The following PTGFR variants were observed in gnomAD, a reference collection of about 807,000 sequenced individuals.
PTGFR encodes prostaglandin F2-alpha receptor.
PTGFR carries 15 observed loss-of-function variants against 26.2 expected under a neutral mutation model. That is an observed-to-expected ratio of 0.57 (90% CI 0.38 to 0.88). The LOEUF is 0.88. Ranked by LOEUF, PTGFR falls within the 40% of genes least tolerant of loss-of-function variation. PTGFR has a pLI of 0.00. For synonymous variants in PTGFR, 165 were observed against 151.1 expected, an observed-to-expected ratio of 1.09 and a Z score of -0.68; for missense variants, 369 against 427.2, an observed-to-expected ratio of 0.86 and a Z score of 1.20.
At chr1:78,528,008 A>T (rs1159875655) in intron 2 of PTGFR, among the ~76,000 whole-genome samples, 1 of 152,086 alleles carries the variant, frequency 6.6e-6, no homozygotes, top group Admixed American at 6.6e-5. Context: ...GGAGAAAATT[A>T]TGTGGGGTAT....
At chr1:78,521,474 G>A (rs1487617704) in intron 2 of PTGFR, among the ~76,000 whole-genome samples, 3 of 152,052 alleles carry the variant, frequency 2.0e-5, no homozygotes, top group South Asian at 2.1e-4. Flanking sequence ...AAAGTTATGT[G>A]TGTTCATTGT....
intron 2 of PTGFR, among the ~76,000 whole-genome samples, chr1:78,525,923 T>C (rs1235125733): frequency 6.6e-6 from 1 of 152,122 alleles, no homozygotes; most frequent in Non-Finnish European, 1.5e-5. Flanking sequence ...GCAGAATATT[T>C]TGTTTGTTTT....
intron 2 of PTGFR, among the ~76,000 whole-genome samples, chr1:78,525,715 C>T (rs566827872): frequency 6.6e-6 from 1 of 151,962 alleles, no homozygotes; most frequent in Non-Finnish European, 1.5e-5. Context: ...ATGGCCAGTC[C>T]CCATCCTGAA....
At chr1:78,533,337 C>T (rs1453026811) in intron 2 of PTGFR, among the ~76,000 whole-genome samples, 2 of 152,152 alleles carry the variant, frequency 1.3e-5, no homozygotes, top group East Asian at 1.9e-4. Context: ...AGTGCTGAGA[C>T]TTTCTTCTCA....
At chr1:78,519,271 T>C (rs1374129294) in intron 2 of PTGFR, among the ~76,000 whole-genome samples, 1 of 152,130 alleles carries the variant, frequency 6.6e-6, no homozygotes, top group Non-Finnish European at 1.5e-5. Context: ...TGCAGAAATT[T>C]CTCACTACCT....
At chr1:78,498,631 C>G (rs138599803) in intron 2 of PTGFR, among the ~76,000 whole-genome samples, 4 of 152,072 alleles carry the variant, frequency 2.6e-5, no homozygotes, top group Admixed American at 2.6e-4. Context: ...ATATTAGAAG[C>G]CTAAACTTCA....
chr1:78,502,018 T>C (rs1239330811), intron 2 of PTGFR, among the ~76,000 whole-genome samples: 1 of 152,230 alleles, frequency 6.6e-6, no homozygotes, highest in East Asian at 1.9e-4. Flanking sequence ...TTCCATTTTC[T>C]CTTCCATTAA....
intron 2 of PTGFR, among the ~76,000 whole-genome samples, chr1:78,516,391 G>A (rs1002540018): frequency 1.8e-4 from 27 of 152,122 alleles, no homozygotes; most frequent in African/African-American, 6.0e-4. Flanking sequence ...TCATGGAGAA[G>A]AGCTCTGACA....
chr1:78,532,996 A>G (rs141169298), intron 2 of PTGFR, among the ~76,000 whole-genome samples: 127 of 152,282 alleles, frequency 8.3e-4, no homozygotes, highest in African/African-American at 2.9e-3. Context: ...GTTTGTCCAA[A>G]AGGAAATGAT....
At chr1:78,495,352 G>A (rs761448446) in intron 2 of PTGFR, among the ~76,000 whole-genome samples, 3 of 152,162 alleles carry the variant, frequency 2.0e-5, no homozygotes, top group Non-Finnish European at 2.9e-5. Context: ...TATGTAACTC[G>A]ACTAAAGAAA....
intron 2 of PTGFR, among the ~76,000 whole-genome samples, chr1:78,496,206 C>A (rs1014077324): frequency 1.3e-5 from 2 of 152,150 alleles, no homozygotes. Context: ...TATAAAAATA[C>A]AGGCTTAAGA....
intron 2 of PTGFR, among the ~76,000 whole-genome samples, chr1:78,497,515 C>A (rs1415337043): frequency 6.6e-6 from 1 of 152,122 alleles, no homozygotes; most frequent in East Asian, 1.9e-4. Flanking sequence ...GAAACATTTT[C>A]TCAATATTCT....
intron 2 of PTGFR, among the ~76,000 whole-genome samples, chr1:78,535,953 T>C (rs1650641298): frequency 6.6e-6 from 1 of 152,126 alleles, no homozygotes; most frequent in Non-Finnish European, 1.5e-5. Context: ...AATCTCAGAG[T>C]AAAATTTGTC....
intron 2 of PTGFR, among the ~76,000 whole-genome samples, chr1:78,514,732 G>A (rs569306548): frequency 2.6e-5 from 4 of 152,206 alleles, no homozygotes; most frequent in Admixed American, 6.5e-5. Context: ...TTGGAGGTGC[G>A]GCCTGGTGAA....
intron 2 of PTGFR, among the ~76,000 whole-genome samples, chr1:78,510,149 C>G (rs1429118409): frequency 1.3e-5 from 2 of 152,158 alleles, no homozygotes; most frequent in Non-Finnish European, 2.9e-5. Flanking sequence ...TCCTGAGGGA[C>G]TTCTCTGCTA....
intron 2 of PTGFR, among the ~76,000 whole-genome samples, chr1:78,500,196 T>C (rs1418122289): frequency 6.6e-6 from 1 of 152,234 alleles, no homozygotes; most frequent in Non-Finnish European, 1.5e-5. Context: ...TGGAAATTTG[T>C]CTGAAGCAGG....
intron 2 of PTGFR, chr1:78,497,959 G>C (rs1649599036): frequency 6.5e-7 from 1 of 1,546,434 alleles, no homozygotes. Flanking sequence ...GTTTACCCAA[G>C]AAATGTGTTC....
At chr1:78,532,364 T>TTATATATATATATATATATATATATA (rs200848855) in intron 2 of PTGFR, 3 of 85,214 alleles carry the variant, frequency 3.5e-5, no homozygotes, top group African/African-American at 9.1e-5. Context: ...GTAAATTCAT[T>TTATATATATATATATATATATATATA]TATATATATA....
intron 2 of PTGFR, among the ~76,000 whole-genome samples, chr1:78,516,585 TCCCTTCCAGAGCATTGACAATGC>T (rs1395770660): frequency 5.3e-5 from 8 of 152,210 alleles, no homozygotes; most frequent in Admixed American, 5.2e-4. Context: ...GCTTCTCTTC[TCCCTTCCAGAGCATTGACAATGC>T]CCTCAGTCTG....
Sources: gnomAD v4.1 joint callset for allele counts (sites outside exome capture counted in the v4.1 genomes callset) on GRCh38, gnomAD v4.1.1 for gene constraint, MANE v1.5 for transcripts, NCBI Gene and HGNC (gene_info 2026-07-23, HGNC 2026-07-21) for gene names.